Variants in DTNBP1 observed in about 807,000 individuals in gnomAD.
The protein encoded by DTNBP1 is dysbindin.
In DTNBP1, 35 loss-of-function variants were observed where a neutral mutation model predicts 42.8. The ratio of observed to expected loss-of-function variants is 0.82; its 90% confidence interval spans 0.63 to 1.09. The LOEUF (loss-of-function observed/expected upper bound fraction) is 1.09, where lower values mean the gene tolerates loss of function less well. Among genes scored for constraint, DTNBP1 ranks in the 50% least tolerant of loss-of-function variants. The pLI is 0.00. For synonymous variants in DTNBP1, 171 were observed against 162.2 expected (o/e 1.05, Z -0.41); for missense variants, 457 against 424.2 (o/e 1.08, Z -0.68).
intron 6 of DTNBP1, among the ~76,000 whole-genome samples, chr6:15,593,754 C>A (rs563190909): frequency 6.6e-6 from 1 of 152,304 alleles, no homozygotes; most frequent in East Asian, 1.9e-4. Context: ...TTGAGGCTTT[C>A]CCTCACAATT....
chr6:15,547,733 C>T (rs1056307537), intron 7 of DTNBP1, among the ~76,000 whole-genome samples: 1 of 152,168 alleles, frequency 6.6e-6, no homozygotes, highest in Admixed American at 6.5e-5. Flanking sequence ...AATCCATTAC[C>T]AGTCCCTGTG....
chr6:15,559,245 C>T (rs1471021402), intron 7 of DTNBP1, among the ~76,000 whole-genome samples: 1 of 152,192 alleles, frequency 6.6e-6, no homozygotes, highest in Non-Finnish European at 1.5e-5. Flanking sequence ...GATCCTCTTA[C>T]AACTACACGA....
intron 8 of DTNBP1, 64 bp downstream of exon 8, chr6:15,533,176 G>C (rs1772983797): frequency 1.2e-6 from 2 of 1,604,356 alleles, no homozygotes; most frequent in African/African-American, 1.3e-5. Context: ...TCTGGGGAGA[G>C]GGGTCCATCG....
At chr6:15,558,519 A>C (rs1337293125) in intron 7 of DTNBP1, among the ~76,000 whole-genome samples, 1 of 152,062 alleles carries the variant, frequency 6.6e-6, no homozygotes, top group Non-Finnish European at 1.5e-5. Flanking sequence ...CACCCGCCTA[A>C]GCCTCCCAAA....
At chr6:15,616,752 G>A (rs56737720) in intron 5 of DTNBP1, among the ~76,000 whole-genome samples, 3,892 of 152,168 alleles carry the variant, frequency 0.026, 183 homozygotes, top group African/African-American at 0.088. Context: ...AATTTTTGCC[G>A]TTTTTTGAAG....
At chr6:15,552,850 T>C (rs1774289242) in intron 7 of DTNBP1, among the ~76,000 whole-genome samples, 1 of 152,208 alleles carries the variant, frequency 6.6e-6, no homozygotes, top group Non-Finnish European at 1.5e-5. Flanking sequence ...ATTATTTTCA[T>C]GGAATACTTT....
chr6:15,523,919 C>A (rs778040033), intron 9 of DTNBP1: 5 of 1,287,300 alleles, frequency 3.9e-6, no homozygotes, highest in South Asian at 1.2e-5. Flanking sequence ...GCTGCTGGGA[C>A]GACTGAGCTT....
intron 5 of DTNBP1, among the ~76,000 whole-genome samples, chr6:15,618,206 T>C (rs1378308808): frequency 6.6e-6 from 1 of 151,926 alleles, no homozygotes; most frequent in African/African-American, 2.4e-5. Flanking sequence ...ATGAACTGAA[T>C]AGACATCTCT....
intron 9 of DTNBP1, 23 bp from the exon 10 acceptor site, chr6:15,523,242 A>C: frequency 6.2e-7 from 1 of 1,613,766 alleles, no homozygotes; most frequent in Non-Finnish European, 8.5e-7. Context: ...GTAGGGAAGA[A>C]AAAGCCCTGT....
Position 15,637,745 on chromosome 6 carries a change from T to G in DTNBP1, c.221A>C (p.Glu74Ala), listed in dbSNP as rs1303141130. 2 of 1,613,884 alleles carry G rather than the reference T, an allele frequency of 1.2e-6. No homozygotes were observed. The highest frequency in any genetic ancestry group is 2.2e-5 in the South Asian group (2 of 91,080). Reference protein sequence around the residue: ...RRAKDCASAGELVDSEVVMLS... With the variant: ...RRAKDCASAGALVDSEVVMLS... ...GTATAAGATTAGTCAATTCTTTACC[T>G]CTCCAGCACTTGCACAGTCTTTGGC... The change falls in exon 4 of 10, where the codon GAG (glutamate) becomes GCG (alanine). Residue 74 changes from glutamate (E) to alanine (A), a missense_variant and splice_region_variant. Transcript: ENST00000344537.
Position 15,533,245 on chromosome 6 carries a change from C to A in DTNBP1, c.662G>T (p.Arg221Leu). 1 of 1,613,920 alleles carries A rather than the reference C, an allele frequency of 6.2e-7. No individual in the cohort carries two copies. The highest frequency in any genetic ancestry group is 1.1e-5 in the South Asian group (1 of 91,078). ...CAGCCCCAGCCCCCACTCGCCTCGC[C>A]GCTCTGCAATCTGCAGGTAGCCAGT... ...LSTGYLQIAERREPIGSMSSM... is the reference protein window; with the variant it reads ...LSTGYLQIAELREPIGSMSSM... Residue 221 changes from arginine (R) to leucine (L), a missense_variant, in exon 8 of 10, where the codon CGG becomes CTG. Physicochemically the swap from Arg to Leu is moderately radical, Grantham distance 102. Transcript: ENST00000344537.
intron 7 of DTNBP1, among the ~76,000 whole-genome samples, chr6:15,584,253 A>T (rs1047536861): frequency 6.6e-6 from 1 of 152,304 alleles, no homozygotes; most frequent in South Asian, 2.1e-4. Flanking sequence ...GCAATTTCTT[A>T]GATGAATGAT....
At chr6:15,526,028 G>A (rs1250384543) in intron 8 of DTNBP1, among the ~76,000 whole-genome samples, 1 of 152,200 alleles carries the variant, frequency 6.6e-6, no homozygotes, top group Non-Finnish European at 1.5e-5. Flanking sequence ...GAAAGAGAAG[G>A]AAATAATTAG....
intron 7 of DTNBP1, among the ~76,000 whole-genome samples, chr6:15,546,307 C>T (rs1252199888): frequency 2.6e-5 from 4 of 151,952 alleles, no homozygotes; most frequent in Admixed American, 1.3e-4. Flanking sequence ...CCTCGTGATC[C>T]GCCTGCCTCA....
chr6:15,527,217 C>T (rs1268721985), intron 8 of DTNBP1, among the ~76,000 whole-genome samples: 3 of 152,098 alleles, frequency 2.0e-5, no homozygotes, highest in East Asian at 1.9e-4. Context: ...TTTTTGGTTA[C>T]GTTTTTAAAG....
intron 7 of DTNBP1, among the ~76,000 whole-genome samples, chr6:15,577,753 G>A (rs974655906): frequency 6.6e-6 from 1 of 152,162 alleles, no homozygotes; most frequent in Non-Finnish European, 1.5e-5. Flanking sequence ...GGAGCCAATA[G>A]CATTGGGTGG....
At chr6:15,652,787 C>G (rs1334219991) in intron 1 of DTNBP1, among the ~76,000 whole-genome samples, 2 of 152,010 alleles carry the variant, frequency 1.3e-5, no homozygotes, top group African/African-American at 4.8e-5. Flanking sequence ...GCCACCATGC[C>G]CAGCTATTTG....
At chr6:15,656,201 C>A (rs983142920) in intron 1 of DTNBP1, among the ~76,000 whole-genome samples, 3 of 152,146 alleles carry the variant, frequency 2.0e-5, no homozygotes, top group African/African-American at 7.2e-5. Flanking sequence ...AGCAGAGGTT[C>A]CCAATGTGCC....
intron 7 of DTNBP1, among the ~76,000 whole-genome samples, chr6:15,550,315 T>C (rs1190848826): frequency 1.3e-5 from 2 of 152,212 alleles, no homozygotes; most frequent in African/African-American, 4.8e-5. Flanking sequence ...ATGGGTATAC[T>C]TTTTTGGCAA....
Sources: gnomAD v4.1 joint callset for allele counts (sites outside exome capture counted in the v4.1 genomes callset) on GRCh38, gnomAD v4.1.1 for gene constraint, MANE v1.5 for transcripts, NCBI Gene and HGNC (gene_info 2026-07-23, HGNC 2026-07-21) for gene names.